The following PIBF1 variants were observed in gnomAD, a reference collection of about 807,000 sequenced individuals.
PIBF1 encodes progesterone-induced-blocking factor 1.
A neutral mutation model predicts 112.5 loss-of-function variants in PIBF1; 90 were observed. That is an observed-to-expected ratio of 0.80 (90% CI 0.67 to 0.95). The LOEUF (loss-of-function observed/expected upper bound fraction) is 0.95, where lower values mean the gene tolerates loss of function less well. Among genes scored for constraint, PIBF1 ranks in the 40% least tolerant of loss-of-function variants. The probability of loss-of-function intolerance (pLI) is 0.00; values close to 1 mark genes in which losing one functional copy is unlikely to be tolerated. For synonymous variants in PIBF1, 301 were observed against 288.6 expected, an observed-to-expected ratio of 1.04 and a Z score of -0.44; for missense variants, 915 against 852.3, an observed-to-expected ratio of 1.07 and a Z score of -0.92.
chr13:72,921,317 G>T (rs1469463711), intron 13 of PIBF1, among the ~76,000 whole-genome samples: 1 of 151,988 alleles, frequency 6.6e-6, no homozygotes, highest in Non-Finnish European at 1.5e-5. Context: ...TGTCCAGGCT[G>T]GTCTCGAGTG....
chr13:72,931,738 A>ATATATATATATATATATATATG (rs2041707541), intron 14 of PIBF1, among the ~76,000 whole-genome samples: 1 of 142,502 alleles, frequency 7.0e-6, no homozygotes, highest in Non-Finnish European at 1.5e-5. Flanking sequence ...ATATATATAT[A>ATATATATATATATATATATATG]TATATGTATG....
chr13:72,832,231 CTG>C (rs1313099347), intron 8 of PIBF1, among the ~76,000 whole-genome samples: 1 of 151,838 alleles, frequency 6.6e-6, no homozygotes, highest in Non-Finnish European at 1.5e-5. Flanking sequence ...ATTTGCCAGT[CTG>C]TCTTTTAATT....
intron 10 of PIBF1, among the ~76,000 whole-genome samples, chr13:72,884,896 T>G (rs2039784237): frequency 6.6e-6 from 1 of 152,080 alleles, no homozygotes; most frequent in Non-Finnish European, 1.5e-5. Flanking sequence ...GGGGAAATAG[T>G]GATTTAGTTC....
chr13:73,010,810 C>CTTTTTTTTTTTTTTTTTTTTTTTTTTTT (rs1176079981), intron 17 of PIBF1, among the ~76,000 whole-genome samples: 3 of 40,280 alleles, frequency 7.4e-5, no homozygotes, highest in Admixed American at 4.3e-4. Context: ...ATTAACTTTT[C>CTTTTTTTTTTTTTTTTTTTTTTTTTTTT]TTTTTTTTTT....
intron 10 of PIBF1, among the ~76,000 whole-genome samples, chr13:72,873,103 A>G (rs1230605042): frequency 6.6e-6 from 1 of 152,208 alleles, no homozygotes; most frequent in Non-Finnish European, 1.5e-5. Flanking sequence ...CCTAAAATTT[A>G]CATGGAAATC....
At chr13:72,783,764 C>T (rs1238849776) in intron 2 of PIBF1, 43 bp downstream of exon 2, 6 of 1,533,800 alleles carry the variant, frequency 3.9e-6, no homozygotes, top group East Asian at 2.3e-5. Context: ...GCTTTATTGT[C>T]TTCAAACGGC....
intron 8 of PIBF1, among the ~76,000 whole-genome samples, chr13:72,829,287 A>T (rs2036984385): frequency 6.6e-6 from 1 of 152,144 alleles, no homozygotes; most frequent in Non-Finnish European, 1.5e-5. Context: ...GTTTAATTAG[A>T]TTCCATTTGT....
At chr13:72,834,338 A>C (rs1265148279) in intron 8 of PIBF1, among the ~76,000 whole-genome samples, 1 of 152,238 alleles carries the variant, frequency 6.6e-6, no homozygotes, top group African/African-American at 2.4e-5. Context: ...ATACCAAAAC[A>C]AACATGCTGG....
At chr13:72,796,062 C>A (rs1476462388) in intron 4 of PIBF1, among the ~76,000 whole-genome samples, 2 of 152,100 alleles carry the variant, frequency 1.3e-5, no homozygotes, top group East Asian at 3.8e-4. Context: ...TTGAGGACCC[C>A]AATGAGTGTT....
intron 9 of PIBF1, among the ~76,000 whole-genome samples, chr13:72,847,379 C>A (rs1383989651): frequency 6.6e-6 from 1 of 152,110 alleles, no homozygotes; most frequent in Non-Finnish European, 1.5e-5. Flanking sequence ...GCTGGGAAGT[C>A]CAATATCTAC....
At chr13:72,862,200 A>G (rs1474637883) in intron 10 of PIBF1, among the ~76,000 whole-genome samples, 1 of 152,224 alleles carries the variant, frequency 6.6e-6, no homozygotes, top group Non-Finnish European at 1.5e-5. Flanking sequence ...GGTAGTGGGA[A>G]GAGGATGGGA....
intron 10 of PIBF1, among the ~76,000 whole-genome samples, chr13:72,878,692 C>T (rs1244121164): frequency 1.3e-5 from 2 of 152,176 alleles, no homozygotes; most frequent in Non-Finnish European, 2.9e-5. Context: ...TTTCTGCCTA[C>T]TGGATATGTC....
chr13:72,862,207 G>A (rs2038724158), intron 10 of PIBF1, among the ~76,000 whole-genome samples: 1 of 152,176 alleles, frequency 6.6e-6, no homozygotes, highest in South Asian at 2.1e-4. Context: ...GGAAGAGGAT[G>A]GGAAACAGCA....
intron 17 of PIBF1, among the ~76,000 whole-genome samples, chr13:73,006,401 A>G (rs1450745275): frequency 2.6e-5 from 4 of 152,218 alleles, no homozygotes; most frequent in South Asian, 2.1e-4. Flanking sequence ...ACTAGAAATC[A>G]GGAATTTTTT....
chr13:72,873,455 G>A (rs1448726457), intron 10 of PIBF1, among the ~76,000 whole-genome samples: 1 of 151,952 alleles, frequency 6.6e-6, no homozygotes, highest in Admixed American at 6.5e-5. Context: ...CTGGAGTGCT[G>A]CAGTGGGCAC....
intron 17 of PIBF1, among the ~76,000 whole-genome samples, chr13:72,999,536 T>C (rs2043789736): frequency 6.6e-6 from 1 of 152,156 alleles, no homozygotes; most frequent in Non-Finnish European, 1.5e-5. Flanking sequence ...CTGCTAAACA[T>C]AGAGACTCAA....
chr13:72,948,716 G>A (rs114263157), intron 14 of PIBF1, among the ~76,000 whole-genome samples: 1,911 of 152,270 alleles, frequency 0.013, 39 homozygotes, highest in African/African-American at 0.042. Flanking sequence ...ACAGAGCTGG[G>A]GAGGCCTCAG....
rs1457754755 is a variant in PIBF1, at chr13:72,928,448, C to CT, written c.1731-2709dup. On this transcript the variant is annotated intron_variant, in intron 13 of 17. Transcript: ENST00000326291. ...TTAAGCACTAGCATACCAAGAATTTCTTTTTTTTGAGATGAAGTCTTGCTC... is the reference window on the plus strand; with the variant it reads ...TTAAGCACTAGCATACCAAGAATTTCTTTTTTTTTGAGATGAAGTCTTGCTC... Among the ~76,000 whole-genome samples the CT allele has an allele frequency of 5.9e-5, 9 of 151,776 alleles. No homozygotes were observed. In the East Asian group the frequency reaches 1.6e-3, roughly 26 times the overall value.
chr13:72,821,444 C>T (rs1266510178), intron 5 of PIBF1, among the ~76,000 whole-genome samples: 1 of 152,088 alleles, frequency 6.6e-6, no homozygotes, highest in Non-Finnish European at 1.5e-5. Context: ...TACTGATATC[C>T]ATATGACTTT....
Sources: gnomAD v4.1 joint callset for allele counts (sites outside exome capture counted in the v4.1 genomes callset) on GRCh38, gnomAD v4.1.1 for gene constraint, MANE v1.5 for transcripts, NCBI Gene and HGNC (gene_info 2026-07-23, HGNC 2026-07-21) for gene names.